BCAS3: variants seen among roughly 807,000 people sequenced by gnomAD.
The protein encoded by BCAS3 is BCAS4/BCAS3 fusion.
BCAS3 carries 53 observed loss-of-function variants against 116.1 expected under a neutral mutation model. The ratio of observed to expected loss-of-function variants is 0.46; its 90% CI spans 0.37 to 0.57. The LOEUF is 0.57. Among genes scored for constraint, BCAS3 ranks in the 20% least tolerant of loss-of-function variants. The pLI is 0.00. For synonymous variants in BCAS3, 391 were observed against 408.2 expected (o/e 0.96, Z 0.51); for missense variants, 917 against 1,165.4 (o/e 0.79, Z 3.10).
chr17:61,014,377 A>G (rs1482530113), intron 15 of BCAS3, among the ~76,000 whole-genome samples: 2 of 152,184 alleles, frequency 1.3e-5, no homozygotes, highest in Non-Finnish European at 2.9e-5. Flanking sequence ...GGCTACACAC[A>G]TAGATCAATG....
chr17:60,959,887 C>G (rs892717241), intron 14 of BCAS3, among the ~76,000 whole-genome samples: 1 of 152,150 alleles, frequency 6.6e-6, no homozygotes, highest in African/African-American at 2.4e-5. Flanking sequence ...CTTTAGCATT[C>G]TTTGAGTTAT....
chr17:61,232,486 C>T (rs192636550), intron 22 of BCAS3, among the ~76,000 whole-genome samples: 11 of 151,990 alleles, frequency 7.2e-5, no homozygotes, highest in Admixed American at 7.2e-4. Flanking sequence ...AAACAGAGTC[C>T]CAGGTAGGAA....
intron 22 of BCAS3, chr17:61,353,551 C>CA (rs1404110501): frequency 5.3e-5 from 8 of 152,334 alleles, no homozygotes; most frequent in African/African-American, 1.4e-4. Flanking sequence ...AACCGTGAAA[C>CA]GGGGAATAGT....
intron 22 of BCAS3, among the ~76,000 whole-genome samples, chr17:61,172,405 G>T (rs935708113): frequency 2.0e-5 from 3 of 152,112 alleles, no homozygotes; most frequent in Non-Finnish European, 4.4e-5. Context: ...AGGCCGAGGC[G>T]GGCGGATCAC....
chr17:61,037,833 T>C lies in BCAS3; in HGVS notation c.1763-56T>C. The C allele has an allele frequency of 6.8e-7, 1 of 1,476,948 alleles. No homozygotes were observed. Among genetic ancestry groups the C allele is most frequent in the Non-Finnish European group, 9.3e-7 (1 of 1,075,624 alleles). The allele number at this position is 1,476,948 out of a possible 1,614,324, so 91.5% of individuals were successfully genotyped here. Reference sequence around the variant, plus strand: ...TAAGATCATTAACTTGTAAAAATTATTCTGTGCTCCATTTATGCCATCATA... The same window carrying C: ...TAAGATCATTAACTTGTAAAAATTACTCTGTGCTCCATTTATGCCATCATA... On this transcript the variant is annotated intron_variant, in intron 17 of 23. Transcript: ENST00000407086. This position sits in a 1 kb window ranked among gnomAD's most constrained non-coding sequence, Gnocchi z 4.7.
rs932168562 is a variant in BCAS3 at position 61,246,792 on chromosome 17, A to AGAGTGT, written c.2426-121534_2426-121533insAGTGTG. 3.8e-4 allele frequency among the ~76,000 whole-genome samples: 55 copies of AGAGTGT among 144,236 alleles called. 1 individual carries two copies. The highest frequency in any genetic ancestry group is 2.2e-3 in the Admixed American group (32 of 14,498). 94.6% of individuals were successfully genotyped at this position (144,236 alleles called of 152,430 possible). On this transcript the variant is annotated intron_variant, in intron 22 of 23. Transcript: ENST00000407086. ...ATGGGTAGTTTTGCCTTTGAGTGAG[A>AGAGTGT]GTGTGTGTGTGTGTGTGTGTGTGTG... is the stretch of plus-strand genomic sequence containing the variant.
At chr17:61,370,111 G>A (rs1455052460) in intron 23 of BCAS3, among the ~76,000 whole-genome samples, 1 of 152,178 alleles carries the variant, frequency 6.6e-6, no homozygotes, top group Non-Finnish European at 1.5e-5. Context: ...AACCTGCACA[G>A]CCCTGGCAGC....
rs574267390 is a variant in BCAS3 at position 61,134,009 on chromosome 17, G to A, written c.2425+49445G>A. ...AGCAATGGAGCAGAGTTGGAGAGAT[G>A]AAAGCATTTGAAGACTGCAAAGTAA... On this transcript the variant is annotated intron_variant, in intron 22 of 23. Coordinates refer to ENST00000407086, the MANE Select transcript of BCAS3 (RefSeq NM_017679.5). This position sits in a 1 kb window ranked among gnomAD's most constrained non-coding sequence, Gnocchi z 4.6. 6.6e-6 allele frequency among the ~76,000 whole-genome samples: 1 copy of A among 152,248 alleles called. No individual in the cohort carries two copies. Among genetic ancestry groups the A allele is most frequent in the South Asian group, 2.1e-4 (1 of 4,822 alleles).
chr17:61,322,850 G>GAC lies in BCAS3; in HGVS notation c.2426-45476_2426-45475insCA, dbSNP rs1568850822. ...AGAGACAGAGAGAGAGAGAGAGAGA[G>GAC]AGAGACAGAGAGAGAGAGAGAGAGA... On this transcript the variant is annotated intron_variant, in intron 22 of 23. Transcript: ENST00000407086. Among the ~76,000 whole-genome samples the GAC allele has an allele frequency of 5.4e-4, 79 of 146,444 alleles. 1 individual carries two copies. The highest frequency in any genetic ancestry group is 2.0e-3 in the African/African-American group (75 of 38,258).
At chr17:60,991,613 A>G (rs1177283542) in intron 15 of BCAS3, among the ~76,000 whole-genome samples, 1 of 152,228 alleles carries the variant, frequency 6.6e-6, no homozygotes, top group Non-Finnish European at 1.5e-5. Context: ...TACCACAGAA[A>G]GTCATTGTTA....
intron 8 of BCAS3, among the ~76,000 whole-genome samples, chr17:60,873,112 A>T (rs1376856407): frequency 1.3e-5 from 2 of 152,146 alleles, no homozygotes; most frequent in African/African-American, 4.8e-5. Context: ...AGTAATTCTA[A>T]AATTTGATAT....
intron 6 of BCAS3, among the ~76,000 whole-genome samples, chr17:60,786,483 C>G (rs777250937): frequency 5.9e-5 from 9 of 151,796 alleles, no homozygotes; most frequent in Non-Finnish European, 1.0e-4. Context: ...GATTGTGCCT[C>G]TGCACTCCAG....
chr17:60,757,325 TAATAATA>T (rs139945294), intron 6 of BCAS3, among the ~76,000 whole-genome samples: 101,093 of 142,940 alleles, frequency 0.71, 39,477 homozygotes, highest in South Asian at 0.92. Context: ...AAAAAAATAA[TAATAATA>T]AATAAATAAA....
At chr17:61,183,587 A>G (rs1186072285) in intron 22 of BCAS3, among the ~76,000 whole-genome samples, 1 of 152,128 alleles carries the variant, frequency 6.6e-6, no homozygotes, top group Non-Finnish European at 1.5e-5. Context: ...TGTTGTTCCT[A>G]AGCTTTATTT....
At chr17:61,168,377 A>G (rs748565420) in intron 22 of BCAS3, among the ~76,000 whole-genome samples, 1 of 152,122 alleles carries the variant, frequency 6.6e-6, no homozygotes, top group Non-Finnish European at 1.5e-5. Flanking sequence ...TTGAATTACC[A>G]TCCTGCAAAA....
At position 61,344,422 on chromosome 17, in the gene BCAS3, T is replaced by G. The variant is rs953574463; in HGVS notation, c.2426-23905T>G. 6.6e-6 allele frequency among the ~76,000 whole-genome samples: 1 copy of G among 152,192 alleles called. No individual in the cohort carries two copies. The highest frequency in any genetic ancestry group is 6.5e-5 in the Admixed American group (1 of 15,278). ...TTCCATCTGTGCACTGATGTTAGTG[T>G]CCCGTTGTCATTTAAGTCCTTGATT... On this transcript the variant is annotated intron_variant, in intron 22 of 23. Transcript: ENST00000407086. The surrounding 1 kb of genome is among the most constrained non-coding windows in gnomAD (Gnocchi z 4.1).
At chr17:60,707,238 C>T (rs977921971) in intron 4 of BCAS3, among the ~76,000 whole-genome samples, 1 of 152,068 alleles carries the variant, frequency 6.6e-6, no homozygotes, top group Non-Finnish European at 1.5e-5. Context: ...GGTGATCTGC[C>T]TGTCTCCGCC....
rs566766559 is a variant in BCAS3 at position 61,096,752 on chromosome 17, A to G, written c.2425+12188A>G. ...ACTACGATGTTGAATAGAAATGATG[A>G]TATTGAATATTCTTGTTTTCTTCTC... On this transcript the variant is annotated intron_variant, in intron 22 of 23. Transcript: ENST00000407086. Among the ~76,000 whole-genome samples, 8 of 152,212 alleles carry G rather than the reference A, an allele frequency of 5.3e-5. No homozygotes were observed. In the East Asian group the frequency reaches 7.7e-4, roughly 15 times the overall value.
At position 61,187,570 on chromosome 17, in the gene BCAS3, G is replaced by T. The variant is rs569570229; in HGVS notation, c.2425+103006G>T. Among the ~76,000 whole-genome samples, 3 of 152,284 alleles carry T rather than the reference G, an allele frequency of 2.0e-5. No homozygotes were observed. In the East Asian group the frequency reaches 5.8e-4, roughly 29 times the overall value. ...AGAATTTTAAAACACAGAACAGAAAGCTAGATTCCAGAAAAATGTTGGCAA... is the reference window on the plus strand; with the variant it reads ...AGAATTTTAAAACACAGAACAGAAATCTAGATTCCAGAAAAATGTTGGCAA... On this transcript the variant is annotated intron_variant, in intron 22 of 23. Transcript: ENST00000407086.
Sources: gnomAD v4.1 joint callset for allele counts (sites outside exome capture counted in the v4.1 genomes callset) on GRCh38, gnomAD v4.1.1 for gene constraint, Gnocchi (gnomAD v3.1) non-coding constraint, MANE v1.5 for transcripts, NCBI Gene and HGNC (gene_info 2026-07-23, HGNC 2026-07-21) for gene names.